Variants in POLR1C observed in about 807,000 individuals in gnomAD.
POLR1C encodes DNA-directed RNA polymerases I and III subunit RPAC1.
In POLR1C, 42 loss-of-function variants were observed where a neutral mutation model predicts 38.3. That is an observed-to-expected ratio of 1.10 (90% CI 0.86 to 1.42). POLR1C has a LOEUF of 1.42. POLR1C is among the 40% of genes most tolerant of loss of function. The pLI is 0.00. For synonymous variants in POLR1C, 163 were observed against 163.9 expected (o/e 0.99, Z 0.04); for missense variants, 507 against 450.5 (o/e 1.13, Z -1.14).
intron 8 of POLR1C, chr6:43,527,537 A>T: frequency 8.0e-7 from 1 of 1,248,866 alleles, no homozygotes; most frequent in Non-Finnish European, 1.2e-6. Context: ...GCAAACATGA[A>T]TCCTTTGCAT....
In POLR1C at chr6:43,517,324, C is replaced by A; in HGVS notation, c.88C>A (p.Pro30Thr). The change falls in exon 2 of 9, where the codon CCC becomes ACC. Residue 30 changes from proline to threonine, a missense_variant. Physicochemically the swap from Pro to Thr is conservative, Grantham distance 38 (BLOSUM62 -1). Transcript: ENST00000642195. Reference sequence around the variant, plus strand: ...GCTCTAGGTCCATACTACTGACTTTCCCGGTAACTATTCCGGTTATGATGA... The same window carrying A: ...GCTCTAGGTCCATACTACTGACTTTACCGGTAACTATTCCGGTTATGATGA... ...GVRNVHTTDFPGNYSGYDDAW... is the reference protein window; with the variant it reads ...GVRNVHTTDFTGNYSGYDDAW... The A allele has an allele frequency of 6.2e-7, 1 of 1,614,114 alleles. No homozygotes were observed. Among genetic ancestry groups the A allele is most frequent in the South Asian group, 1.1e-5 (1 of 91,084 alleles).
chr6:43,562,157 T>G, exon 11 of POLR1C: 2 of 997,774 alleles, frequency 2.0e-6, no homozygotes, highest in Non-Finnish European at 3.0e-6. Context: ...CTAAAATCAA[T>G]GACATTTGCA....
downstream of POLR1C, chr6:43,526,383 G>C: frequency 2.2e-6 from 1 of 454,872 alleles, no homozygotes; most frequent in South Asian, 2.7e-5. Context: ...AGTAGCTGGG[G>C]TTGCCATTTT....
At chr6:43,547,712 A>C (rs766119557) in intron 9 of POLR1C, 17 of 1,613,682 alleles carry the variant, frequency 1.1e-5, no homozygotes, top group Middle Eastern at 1.6e-4. Flanking sequence ...AGCACTCTGA[A>C]GGTTGGAGGG....
chr6:43,520,122 A>G lies in POLR1C; in HGVS notation c.439A>G (p.Thr147Ala), dbSNP rs1486294390. The G allele has an allele frequency of 1.4e-5, 22 of 1,614,212 alleles. No homozygotes were observed. Among genetic ancestry groups the G allele is most frequent in the Non-Finnish European group, 1.4e-5 (17 of 1,180,040 alleles). The stretch of plus-strand genomic sequence containing the variant: ...ACAGTTTCGTCTCCAGGTCAGATGC[A>G]CTCGGAACCCCCATGCTGCTAAAGA... ...TLQFRLQVRC[T>A]RNPHAAKDSS... is the part of the protein sequence containing the mutation. The change falls in exon 5 of 9, where the codon ACT (threonine) becomes GCT (alanine). Residue 147 changes from threonine to alanine, a missense_variant. By Grantham distance (58) the Thr-to-Ala change is moderately conservative. Coordinates refer to ENST00000642195, the MANE Select transcript of POLR1C (RefSeq NM_203290.4).
At chr6:43,519,216 C>A in intron 2 of POLR1C, 117 bp from the exon 3 acceptor site, 1 of 724,468 alleles carries the variant, frequency 1.4e-6, no homozygotes, top group Non-Finnish European at 2.5e-6. Flanking sequence ...GACATTTGGG[C>A]AAAGGGAGGT....
intron 10 of POLR1C, chr6:43,553,524 CAT>C (rs775283344): frequency 2.3e-4 from 342 of 1,519,264 alleles, no homozygotes; most frequent in South Asian, 1.9e-3. Context: ...CACACACACA[CAT>C]ACACACACAC....
intron 9 of POLR1C, among the ~76,000 whole-genome samples, chr6:43,535,782 C>CCA (rs1409889660): frequency 1.4e-5 from 2 of 145,474 alleles, no homozygotes; most frequent in Non-Finnish European, 3.0e-5. Flanking sequence ...CCACTGCACT[C>CCA]CAGCCTGTGT....
At chr6:43,541,821 A>G (rs1254475758) in intron 9 of POLR1C, among the ~76,000 whole-genome samples, 1 of 152,228 alleles carries the variant, frequency 6.6e-6, no homozygotes, top group Non-Finnish European at 1.5e-5. Flanking sequence ...TCTTTCTCCC[A>G]GGCTGGAGTG....
chr6:43,548,659 C>G (rs112426014), intron 9 of POLR1C, among the ~76,000 whole-genome samples: 4 of 151,816 alleles, frequency 2.6e-5, no homozygotes, highest in Non-Finnish European at 4.4e-5. Flanking sequence ...TAGCTCTTGT[C>G]TTGAGTATTT....
At chr6:43,530,964 T>C (rs897073936), downstream of POLR1C, 42 of 1,096,686 alleles carry the variant, frequency 3.8e-5, no homozygotes, top group Admixed American at 3.9e-4. Flanking sequence ...AGAGAACTTA[T>C]AGATACAGCA....
At chr6:43,549,543 C>T (rs1375211730) in intron 9 of POLR1C, 1 of 1,613,220 alleles carries the variant, frequency 6.2e-7, no homozygotes, top group South Asian at 1.1e-5. Context: ...AACAAGCATG[C>T]CTCCTCACAT....
At chr6:43,562,157 T>C in exon 11 of POLR1C, 6 of 997,774 alleles carry the variant, frequency 6.0e-6, no homozygotes, top group Non-Finnish European at 4.6e-6. Flanking sequence ...CTAAAATCAA[T>C]GACATTTGCA....
At chr6:43,521,981 C>T (rs1384443347), downstream of POLR1C, among the ~76,000 whole-genome samples, 1 of 152,226 alleles carries the variant, frequency 6.6e-6, no homozygotes, top group Non-Finnish European at 1.5e-5. Context: ...TCTGGGAGCA[C>T]AGCCAAACCC....
In POLR1C at chr6:43,520,740, C is replaced by T. The variant is rs776376952; in HGVS notation, c.771C>T (p.Phe257=). The change falls in exon 7 of 9, where the codon TTC becomes TTT. Residue 257 remains phenylalanine, a synonymous_variant. Transcript: ENST00000642195. ...CAGCTGAGGAGTTGAGCAGGTGCTT[C>T]TCACCTGGTGTTATTGAGGTGCAGG... ...GEAAEELSRC[F]SPGVIEVQEV... is the part of the protein sequence containing the mutation. The T allele has an allele frequency of 4.6e-5, 74 of 1,613,922 alleles. No homozygotes were observed. Among genetic ancestry groups the T allele is most frequent in the Non-Finnish European group, 5.8e-5 (68 of 1,179,970 alleles).
chr6:43,550,764 C>T (rs541322085), intron 9 of POLR1C, among the ~76,000 whole-genome samples: 9 of 152,254 alleles, frequency 5.9e-5, no homozygotes, highest in South Asian at 4.2e-4. Flanking sequence ...TCTTTAGTCC[C>T]GTTCTCCTTT....
chr6:43,529,432 T>A, exon 9 of POLR1C: 1 of 326,594 alleles, frequency 3.1e-6, no homozygotes, highest in Non-Finnish European at 5.7e-6. Context: ...CGAGCGCCTG[T>A]AGTCCCAGCT....
At chr6:43,541,431 AC>A (rs1794685175) in intron 9 of POLR1C, among the ~76,000 whole-genome samples, 1 of 152,240 alleles carries the variant, frequency 6.6e-6, no homozygotes, top group Non-Finnish European at 1.5e-5. Context: ...CTAACAAAAA[AC>A]ATCCCCACCA....
intron 9 of POLR1C, among the ~76,000 whole-genome samples, chr6:43,543,180 A>G (rs1794787496): frequency 6.6e-6 from 1 of 152,192 alleles, no homozygotes; most frequent in Non-Finnish European, 1.5e-5. Flanking sequence ...AAGTCAGAAT[A>G]GTGGGCTGGG....
Sources: gnomAD v4.1 joint callset for allele counts (sites outside exome capture counted in the v4.1 genomes callset) on GRCh38, gnomAD v4.1.1 for gene constraint, MANE v1.5 for transcripts, NCBI Gene and HGNC (gene_info 2026-07-23, HGNC 2026-07-21) for gene names.